IFT80: variants seen among roughly 807,000 people sequenced by gnomAD.
IFT80 encodes intraflagellar transport 80, also known as intraflagellar transport protein 80 homolog.
In IFT80, 79 loss-of-function variants were observed where a neutral mutation model predicts 107.9. That is an observed-to-expected ratio of 0.73 (90% CI 0.61 to 0.88). The LOEUF (loss-of-function observed/expected upper bound fraction) is 0.88, where lower values mean the gene tolerates loss of function less well. IFT80 is among the 40% of genes least tolerant of loss of function. IFT80 has a pLI of 0.00. For missense variants in IFT80, 797 were observed against 914.2 expected (o/e 0.87, Z 1.65); for synonymous variants, 299 against 300.9 (o/e 0.99, Z 0.07).
At position 160,361,001 on chromosome 3, in the gene IFT80, C is replaced by T. The variant is rs540457052; in HGVS notation, c.550-3423G>A. On this transcript the variant is annotated intron_variant, in intron 6 of 19. Coordinates refer to ENST00000326448, the MANE Select transcript of IFT80 (RefSeq NM_020800.3). The stretch of plus-strand genomic sequence containing the variant: ...TGGGCAAAATAACCAGCTAACATCA[C>T]GTCAGGATCAAATTCACACATAACA... Among the ~76,000 whole-genome samples the T allele has an allele frequency of 1.2e-4, 19 of 152,182 alleles. No homozygotes were observed. In the South Asian group the frequency reaches 3.5e-3, roughly 28 times the overall value.
chr3:160,356,149 A>G lies in IFT80; in HGVS notation c.641T>C (p.Val214Ala). The change falls in exon 8 of 20, where the codon GTA becomes GCA. Residue 214 changes from valine to alanine, a missense_variant and splice_region_variant. Physicochemically the swap from Val to Ala is moderately conservative, Grantham distance 64. Coordinates refer to ENST00000326448, the MANE Select transcript of IFT80 (RefSeq NM_020800.3). ...LSAGEDCKYKVWDSYGRPLYN... is the reference protein window; with the variant it reads ...LSAGEDCKYKAWDSYGRPLYN... Reference sequence around the variant, plus strand: ...CAGTGGGCGGCCGTAACTATCCCATACCTACAAAAGCAATTTTTAAAAATC... The same window carrying G: ...CAGTGGGCGGCCGTAACTATCCCATGCCTACAAAAGCAATTTTTAAAAATC... 1 of 1,612,522 alleles carries G rather than the reference A, an allele frequency of 6.2e-7. No homozygotes were observed. Among genetic ancestry groups the G allele is most frequent in the Non-Finnish European group, 8.5e-7 (1 of 1,179,040 alleles).
intron 9 of IFT80, among the ~76,000 whole-genome samples, chr3:160,310,967 C>CA (rs1439732585): frequency 2.0e-5 from 3 of 151,624 alleles, no homozygotes; most frequent in East Asian, 3.9e-4. Flanking sequence ...AAAAAACAAA[C>CA]AAAAAAAATT....
chr3:160,380,566 T>C (rs1712401560), intron 3 of IFT80, among the ~76,000 whole-genome samples: 1 of 152,124 alleles, frequency 6.6e-6, no homozygotes, highest in Admixed American at 6.6e-5. Flanking sequence ...AAAACTCCAT[T>C]TGTGCTTAAG....
intron 15 of IFT80, among the ~76,000 whole-genome samples, chr3:160,280,143 G>A (rs1714572550): frequency 6.6e-6 from 1 of 152,104 alleles, no homozygotes; most frequent in Non-Finnish European, 1.5e-5. Flanking sequence ...AAGAATAAGA[G>A]ATCTCCTTGC....
intron 8 of IFT80, among the ~76,000 whole-genome samples, chr3:160,339,566 AT>A (rs1719737935): frequency 6.6e-6 from 1 of 152,162 alleles, no homozygotes; most frequent in Non-Finnish European, 1.5e-5. Context: ...TTTTTCTCTA[AT>A]TCTATACAGC....
At chr3:160,394,469 C>T (rs1376662737) in intron 1 of IFT80, among the ~76,000 whole-genome samples, 1 of 152,298 alleles carries the variant, frequency 6.6e-6, no homozygotes, top group East Asian at 1.9e-4. Context: ...AACTCCCACC[C>T]CATCTCAATT....
At chr3:160,397,713 ATACT>A (rs1168275619) in intron 1 of IFT80, among the ~76,000 whole-genome samples, 2 of 127,352 alleles carry the variant, frequency 1.6e-5, no homozygotes, top group African/African-American at 3.1e-5. Context: ...AATTTGGTCT[ATACT>A]TTTTTTTTTT....
intron 18 of IFT80, among the ~76,000 whole-genome samples, chr3:160,272,753 C>A (rs1713917509): frequency 6.6e-6 from 1 of 152,134 alleles, no homozygotes; most frequent in Admixed American, 6.5e-5. Flanking sequence ...GAACATTAAA[C>A]TTGTATATCC....
intron 18 of IFT80, among the ~76,000 whole-genome samples, chr3:160,272,525 A>G (rs1259433629): frequency 6.6e-6 from 1 of 152,114 alleles, no homozygotes; most frequent in Non-Finnish European, 1.5e-5. Flanking sequence ...ATAATAAACA[A>G]TTTTTTAAAA....
chr3:160,351,835 G>A (rs1276083826), intron 8 of IFT80, among the ~76,000 whole-genome samples: 1 of 151,618 alleles, frequency 6.6e-6, no homozygotes, highest in African/African-American at 2.4e-5. Flanking sequence ...ACACAAGGCA[G>A]AAAATGAGCA....
chr3:160,345,848 C>T (rs1263885509), intron 8 of IFT80, among the ~76,000 whole-genome samples: 1 of 151,936 alleles, frequency 6.6e-6, no homozygotes, highest in African/African-American at 2.4e-5. Context: ...AACAGAGTGA[C>T]TATAGTCAAT....
At chr3:160,269,469 A>G (rs890443927) in intron 18 of IFT80, among the ~76,000 whole-genome samples, 12 of 152,214 alleles carry the variant, frequency 7.9e-5, no homozygotes, top group Admixed American at 7.9e-4. Context: ...AAAAGTTGAC[A>G]GTCATTTAAG....
chr3:160,357,533 C>T lies in IFT80; in HGVS notation c.595G>A (p.Val199Ile). ...GIILKVDWNS[V>I]NDLILSAGED... is the part of the protein sequence containing the mutation. The stretch of plus-strand genomic sequence containing the variant: ...CCAGCAGATAAAATAAGATCATTGA[C>T]CGAGTTCCAATCTACTTTTAAAATA... The change falls in exon 7 of 20, where the codon GTC becomes ATC. Residue 199 changes from valine (V) to isoleucine (I), a missense_variant. Transcript: ENST00000326448. 1 of 1,598,930 alleles carries T rather than the reference C, an allele frequency of 6.3e-7. No individual in the cohort carries two copies. Among genetic ancestry groups the T allele is most frequent in the Non-Finnish European group, 8.6e-7 (1 of 1,166,642 alleles).
intron 19 of IFT80, among the ~76,000 whole-genome samples, chr3:160,266,729 G>C (rs539823521): frequency 2.0e-5 from 3 of 152,192 alleles, no homozygotes; most frequent in Admixed American, 2.0e-4. Context: ...TGTGAATATT[G>C]AAAAAATATT....
At chr3:160,378,092 T>C (rs889911702) in intron 3 of IFT80, among the ~76,000 whole-genome samples, 2 of 152,198 alleles carry the variant, frequency 1.3e-5, no homozygotes, top group African/African-American at 4.8e-5. Flanking sequence ...TATATGTACA[T>C]ACTTCTGCAA....
chr3:160,354,551 G>A (rs1455333175), intron 8 of IFT80, among the ~76,000 whole-genome samples: 2 of 152,152 alleles, frequency 1.3e-5, no homozygotes, highest in Non-Finnish European at 2.9e-5. Flanking sequence ...TGCTAGGGAG[G>A]CTAAGGTAGG....
At chr3:160,383,659 A>G (rs1241076270) in intron 2 of IFT80, 1 of 984,530 alleles carries the variant, frequency 1.0e-6, no homozygotes, top group Non-Finnish European at 1.2e-6. Context: ...GACCTGCAAT[A>G]AAGTCTACAA....
At chr3:160,322,099 T>C (rs541044555) in intron 8 of IFT80, among the ~76,000 whole-genome samples, 1 of 151,836 alleles carries the variant, frequency 6.6e-6, no homozygotes, top group East Asian at 1.9e-4. Context: ...GTTAGTTATA[T>C]ATGTATGCAT....
In IFT80 at chr3:160,398,520, T is replaced by C. The variant is rs984973974; in HGVS notation, c.-47+626A>G. Among the ~76,000 whole-genome samples, 8 of 152,328 alleles carry C rather than the reference T, an allele frequency of 5.3e-5. No homozygotes were observed. The South Asian group carries it at 8.3e-4, about 16-fold the overall frequency. On this transcript the variant is annotated intron_variant, in intron 1 of 19. Coordinates refer to ENST00000326448, the MANE Select transcript of IFT80 (RefSeq NM_020800.3). Reference sequence around the variant, plus strand: ...CAATATAGGGAATTAGGAGCAAGTATGAGATTCTGATTATAAAGTTGTAGG... The same window carrying C: ...CAATATAGGGAATTAGGAGCAAGTACGAGATTCTGATTATAAAGTTGTAGG...
Sources: gnomAD v4.1 joint callset for allele counts (sites outside exome capture counted in the v4.1 genomes callset) on GRCh38, gnomAD v4.1.1 for gene constraint, MANE v1.5 for transcripts, NCBI Gene and HGNC (gene_info 2026-07-23, HGNC 2026-07-21) for gene names.